The following KCNAB1 variants were observed in gnomAD, a reference collection of about 807,000 sequenced individuals.
KCNAB1 encodes potassium voltage-gated channel subfamily A regulatory beta subunit 1.
KCNAB1 carries 35 observed loss-of-function variants against 64.6 expected under a neutral mutation model. The ratio of observed to expected loss-of-function variants is 0.54; its 90% CI spans 0.41 to 0.72. The LOEUF is 0.72. KCNAB1 is among the 30% of genes least tolerant of loss of function. KCNAB1 has a pLI of 0.00. For synonymous variants in KCNAB1, 177 were observed against 183.8 expected (o/e 0.96, Z 0.30); for missense variants, 401 against 512.9 (o/e 0.78, Z 2.11).
intron 1 of KCNAB1, among the ~76,000 whole-genome samples, chr3:156,320,683 C>T (rs1249099073): frequency 6.6e-6 from 1 of 152,128 alleles, no homozygotes; most frequent in Non-Finnish European, 1.5e-5. Flanking sequence ...TCTTGCTCGT[C>T]CCTCTGTCCT....
At chr3:156,308,470 G>A (rs573907517) in intron 1 of KCNAB1, among the ~76,000 whole-genome samples, 84 of 152,360 alleles carry the variant, frequency 5.5e-4, no homozygotes, top group Non-Finnish European at 1.0e-3. Context: ...AAAAAACAGT[G>A]TGTAGTCAGT....
chr3:156,443,994 A>G (rs572332534), intron 2 of KCNAB1, among the ~76,000 whole-genome samples: 1 of 152,320 alleles, frequency 6.6e-6, no homozygotes, highest in East Asian at 1.9e-4. Context: ...AATGAAAGTA[A>G]AAAAGAAAAG....
chr3:156,224,587 A>G (rs1716032628), intron 1 of KCNAB1, among the ~76,000 whole-genome samples: 1 of 152,258 alleles, frequency 6.6e-6, no homozygotes. Context: ...GCAGAACTAA[A>G]TGAAATTGAA....
intron 1 of KCNAB1, among the ~76,000 whole-genome samples, chr3:156,290,804 C>G (rs562990566): frequency 1.3e-5 from 2 of 152,134 alleles, no homozygotes; most frequent in Non-Finnish European, 2.9e-5. Flanking sequence ...CCTCTGGTAG[C>G]CAGAATAAAT....
At chr3:156,232,457 C>T (rs1014789238) in intron 1 of KCNAB1, among the ~76,000 whole-genome samples, 4 of 152,248 alleles carry the variant, frequency 2.6e-5, no homozygotes, top group African/African-American at 9.6e-5. Context: ...TGCTTTCGCA[C>T]AGGCAGGCCA....
Position 156,523,827 on chromosome 3 carries a change from T to A in KCNAB1, c.961T>A (p.Cys321Ser). ...VPESSRASLK[C>S]YQWLKERIVS... ...ATTTCAATGTTATGCTTTTCCCCAG[T>A]GCTACCAGTGGTTGAAAGAAAGAAT... Residue 321 changes from cysteine (C) to serine (S), a missense_variant and splice_region_variant, in exon 12 of 14, where the codon TGC becomes AGC. Cys to Ser is a moderately radical substitution (Grantham distance 112, BLOSUM62 -1). Coordinates refer to ENST00000490337, the MANE Select transcript of KCNAB1 (RefSeq NM_172160.3). The A allele has an allele frequency of 6.2e-7, 1 of 1,612,720 alleles. No individual in the cohort carries two copies. Among genetic ancestry groups the A allele is most frequent in the Non-Finnish European group, 8.5e-7 (1 of 1,179,022 alleles).
At chr3:156,442,784 A>G (rs1194610611) in intron 2 of KCNAB1, among the ~76,000 whole-genome samples, 1 of 152,090 alleles carries the variant, frequency 6.6e-6, no homozygotes, top group Non-Finnish European at 1.5e-5. Context: ...AACAGCAATC[A>G]CATCTCATTG....
At chr3:156,221,782 C>CG (rs1430166403) in intron 1 of KCNAB1, among the ~76,000 whole-genome samples, 2 of 147,630 alleles carry the variant, frequency 1.4e-5, no homozygotes, top group African/African-American at 5.0e-5. Context: ...CCATCCCCCC[C>CG]CGCCAAAAAA....
chr3:156,218,280 C>T (rs535903715), intron 1 of KCNAB1, among the ~76,000 whole-genome samples: 6 of 152,260 alleles, frequency 3.9e-5, no homozygotes, highest in African/African-American at 7.2e-5. Context: ...AATCCCCCTG[C>T]GAATATAACT....
At chr3:156,178,948 C>T (rs1464795463) in intron 1 of KCNAB1, among the ~76,000 whole-genome samples, 1 of 145,252 alleles carries the variant, frequency 6.9e-6, no homozygotes, top group Non-Finnish European at 1.5e-5. Flanking sequence ...TTGCAGTGAG[C>T]CGAGATCGCG....
At chr3:156,497,296 C>A (rs1338598287) in intron 8 of KCNAB1, among the ~76,000 whole-genome samples, 1 of 149,986 alleles carries the variant, frequency 6.7e-6, no homozygotes, top group Non-Finnish European at 1.5e-5. Context: ...ATGGCACAAC[C>A]AGGAAGGAAG....
chr3:156,331,920 G>C (rs186496991), intron 1 of KCNAB1, among the ~76,000 whole-genome samples: 12 of 152,236 alleles, frequency 7.9e-5, no homozygotes, highest in Non-Finnish European at 1.3e-4. Flanking sequence ...GAAAGGGGTT[G>C]TATACCTACA....
chr3:156,127,252 A>AT (rs904545289), intron 1 of KCNAB1, among the ~76,000 whole-genome samples: 21 of 152,142 alleles, frequency 1.4e-4, no homozygotes, highest in Admixed American at 5.9e-4. Context: ...TTCAACCAAT[A>AT]TTTTTTTTCC....
chr3:156,295,855 T>C (rs1003536539), intron 1 of KCNAB1, among the ~76,000 whole-genome samples: 1 of 152,232 alleles, frequency 6.6e-6, no homozygotes, highest in African/African-American at 2.4e-5. Context: ...TTTCTATGTA[T>C]TGGGAATATT....
At chr3:156,539,034 A>AGTT (rs966795812), downstream of KCNAB1, 3 of 152,180 alleles carry the variant, frequency 2.0e-5, no homozygotes, top group African/African-American at 7.2e-5. Context: ...TTAGTTAGTT[A>AGTT]GTTAGTTATG....
chr3:156,280,365 C>T (rs1249330174), intron 1 of KCNAB1, among the ~76,000 whole-genome samples: 2 of 151,566 alleles, frequency 1.3e-5, no homozygotes, highest in Middle Eastern at 3.2e-3. Context: ...GTTTTGGTTA[C>T]TGTAGCGTTG....
At chr3:156,305,146 C>G (rs1721407053) in intron 1 of KCNAB1, among the ~76,000 whole-genome samples, 1 of 151,862 alleles carries the variant, frequency 6.6e-6, no homozygotes, top group Non-Finnish European at 1.5e-5. Context: ...TTGCAAGCGA[C>G]CATATACCTG....
At chr3:156,324,274 T>C (rs1395728192) in intron 1 of KCNAB1, among the ~76,000 whole-genome samples, 1 of 152,176 alleles carries the variant, frequency 6.6e-6, no homozygotes, top group Admixed American at 6.5e-5. Flanking sequence ...TGGCAACAGT[T>C]TGGTTCTCAC....
At chr3:156,378,877 G>A (rs1274732430) in intron 1 of KCNAB1, among the ~76,000 whole-genome samples, 1 of 152,166 alleles carries the variant, frequency 6.6e-6, no homozygotes, top group East Asian at 1.9e-4. Flanking sequence ...AAAAACAGAG[G>A]GAGGAGGGTC....
Sources: allele counts gnomAD v4.1 joint callset (sites outside exome capture counted in the v4.1 genomes callset), GRCh38; gene constraint gnomAD v4.1.1; transcripts MANE v1.5; gene names NCBI Gene and HGNC (gene_info 2026-07-23, HGNC 2026-07-21).